Variants in SENP7 observed in about 807,000 individuals in gnomAD.
The protein encoded by SENP7 is sentrin-specific protease 7.
A neutral mutation model predicts 141.2 loss-of-function variants in SENP7; 64 were observed. The observed-to-expected ratio is 0.45, with a 90% CI of 0.37 to 0.56. SENP7 has a LOEUF of 0.56. Ranked by LOEUF, SENP7 falls within the 20% of genes least tolerant of loss-of-function variation. SENP7 has a pLI of 0.00. For missense variants in SENP7, 1,025 were observed against 1,212.2 expected (o/e 0.85, Z 2.29); for synonymous variants, 382 against 426.4 (o/e 0.90, Z 1.28).
chr3:101,414,743 GC>G, intron 5 of SENP7: 1 of 657,016 alleles, frequency 1.5e-6, no homozygotes. Context: ...ATTAAGGATG[GC>G]CACAAGTGTA....
intron 23 of SENP7, among the ~76,000 whole-genome samples, chr3:101,327,019 A>G (rs2058919094): frequency 1.3e-5 from 2 of 151,732 alleles, no homozygotes; most frequent in Non-Finnish European, 2.9e-5. Flanking sequence ...TCAGCTCTAG[A>G]ACGTCTATTT....
chr3:101,348,869 G>A (rs2059541148), intron 12 of SENP7, among the ~76,000 whole-genome samples: 1 of 151,566 alleles, frequency 6.6e-6, no homozygotes, highest in Admixed American at 6.6e-5. Flanking sequence ...GCAAGCAACT[G>A]AACTGGAATA....
intron 13 of SENP7, 99 bp from the exon 14 acceptor site, chr3:101,344,053 AC>A (rs745493020): frequency 1.5e-5 from 13 of 847,720 alleles, no homozygotes; most frequent in Non-Finnish European, 2.3e-5. Flanking sequence ...TTGGAATATA[AC>A]CCCAAGTATT....
At chr3:101,384,352 TAGA>T (rs2060591850) in intron 6 of SENP7, among the ~76,000 whole-genome samples, 1 of 152,218 alleles carries the variant, frequency 6.6e-6, no homozygotes, top group Non-Finnish European at 1.5e-5. Context: ...TGCGGGTGAC[TAGA>T]AGAAGAGAAG....
At chr3:101,448,473 CA>C (rs2062983291) in intron 4 of SENP7, among the ~76,000 whole-genome samples, 1 of 152,186 alleles carries the variant, frequency 6.6e-6, no homozygotes, top group African/African-American at 2.4e-5. Context: ...GAATTAGCTC[CA>C]GACCCTGTTT....
intron 8 of SENP7, among the ~76,000 whole-genome samples, chr3:101,367,586 G>C (rs1263866591): frequency 1.5e-4 from 23 of 152,082 alleles, no homozygotes. Context: ...AGCGATACAA[G>C]AAAATAAGCA....
intron 3 of SENP7, among the ~76,000 whole-genome samples, chr3:101,491,415 G>A (rs1475423188): frequency 3.5e-5 from 3 of 85,260 alleles, no homozygotes; most frequent in East Asian, 4.1e-4. Flanking sequence ...ACAAGACCAC[G>A]CCTAGATTAT....
intron 3 of SENP7, among the ~76,000 whole-genome samples, chr3:101,472,867 C>T (rs187272092): frequency 1.1e-4 from 16 of 151,646 alleles, no homozygotes; most frequent in Non-Finnish European, 1.6e-4. Flanking sequence ...GATATTAGGC[C>T]TAGTACTCAT....
intron 6 of SENP7, among the ~76,000 whole-genome samples, chr3:101,387,942 A>G (rs907888330): frequency 1.5e-4 from 23 of 148,964 alleles, no homozygotes; most frequent in African/African-American, 4.4e-4. Flanking sequence ...CCTACCTGAC[A>G]TGCACTGTCT....
chr3:101,417,497 C>T (rs1486698892), intron 5 of SENP7, 96 bp downstream of exon 5: 14 of 1,041,738 alleles, frequency 1.3e-5, no homozygotes, highest in Non-Finnish European at 5.9e-6. Flanking sequence ...TGCAAATCTC[C>T]TTTCAGGTCA....
At chr3:101,506,123 C>T (rs959009066) in intron 1 of SENP7, among the ~76,000 whole-genome samples, 2 of 150,524 alleles carry the variant, frequency 1.3e-5, no homozygotes, top group South Asian at 2.1e-4. Context: ...CAGGTTCAAG[C>T]GATTCTCCCG....
rs767680602 is a variant in SENP7, at chr3:101,500,120, C to A, written c.90+950G>T. 4.6e-5 allele frequency among the ~76,000 whole-genome samples: 7 copies of A among 152,160 alleles called. No individual in the cohort carries two copies. In the South Asian group the frequency reaches 1.2e-3, roughly 27 times the overall value. ...ACTTCTTCTCCTTCTTTGTTAAATG[C>A]TATAACTATATAACATGAAGACGTA... is the stretch of plus-strand genomic sequence containing the variant. On this transcript the variant is annotated intron_variant, in intron 2 of 23. Coordinates refer to ENST00000394095, the MANE Select transcript of SENP7 (RefSeq NM_020654.5).
intron 4 of SENP7, chr3:101,457,398 C>T (rs954515894): frequency 2.0e-6 from 3 of 1,497,552 alleles, no homozygotes; most frequent in Admixed American, 3.3e-5. Flanking sequence ...ACTGTCTACA[C>T]CAAGCTGGTT....
intron 3 of SENP7, among the ~76,000 whole-genome samples, chr3:101,466,201 T>C (rs779508593): frequency 5.3e-5 from 8 of 151,732 alleles, no homozygotes; most frequent in Non-Finnish European, 1.2e-4. Context: ...AAGAAAACAT[T>C]TGAAAAAAAT....
At chr3:101,384,066 T>G (rs2060584063) in intron 6 of SENP7, among the ~76,000 whole-genome samples, 1 of 152,248 alleles carries the variant, frequency 6.6e-6, no homozygotes, top group African/African-American at 2.4e-5. Context: ...ACTACCTGCC[T>G]GCAGAGAGAA....
At chr3:101,501,987 G>C (rs2065401006) in intron 1 of SENP7, among the ~76,000 whole-genome samples, 2 of 152,286 alleles carry the variant, frequency 1.3e-5, no homozygotes, top group Admixed American at 1.3e-4. Context: ...AATTTGAAAT[G>C]AATCATAGAT....
At chr3:101,341,930 A>G in intron 14 of SENP7, 151 bp from the exon 15 acceptor site, 1 of 651,192 alleles carries the variant, frequency 1.5e-6, no homozygotes, top group Non-Finnish European at 2.4e-6. Context: ...TAACCAAACC[A>G]AAATAATACT....
At chr3:101,411,799 G>A (rs766780551) in intron 5 of SENP7, among the ~76,000 whole-genome samples, 4 of 152,250 alleles carry the variant, frequency 2.6e-5, no homozygotes, top group African/African-American at 4.8e-5. Flanking sequence ...GTATCAGTAC[G>A]TAAGGTATTA....
intron 1 of SENP7, among the ~76,000 whole-genome samples, chr3:101,512,257 C>A (rs1559932879): frequency 6.6e-6 from 1 of 152,186 alleles, no homozygotes; most frequent in African/African-American, 2.4e-5. Context: ...GTCCTCTCCT[C>A]CTACCATCCA....
Sources: gnomAD v4.1 joint callset for allele counts (sites outside exome capture counted in the v4.1 genomes callset) on GRCh38, gnomAD v4.1.1 for gene constraint, MANE v1.5 for transcripts, NCBI Gene and HGNC (gene_info 2026-07-23, HGNC 2026-07-21) for gene names.